The following SFMBT1 variants were observed in gnomAD, a reference collection of about 807,000 sequenced individuals.
SFMBT1 encodes the protein scm-like with four MBT domains protein 1.
SFMBT1 carries 32 observed loss-of-function variants against 108.7 expected under a neutral mutation model. The observed-to-expected ratio is 0.29, with a 90% CI of 0.22 to 0.40. The LOEUF is 0.40. Among genes scored for constraint, SFMBT1 ranks in the 10% least tolerant of loss-of-function variants. The probability of loss-of-function intolerance (pLI) is 1.00; values close to 1 mark genes in which losing one functional copy is unlikely to be tolerated. For missense variants in SFMBT1, 816 were observed against 1,059.6 expected (o/e 0.77, Z 3.19); for synonymous variants, 348 against 369.5 (o/e 0.94, Z 0.67).
At chr3:52,915,229 C>CT (rs1379635139) in intron 14 of SFMBT1, among the ~76,000 whole-genome samples, 3 of 152,220 alleles carry the variant, frequency 2.0e-5, no homozygotes, top group Non-Finnish European at 2.9e-5. Context: ...GTCTCAGACT[C>CT]TGTTTCCCAG....
At chr3:52,989,985 T>C (rs1705065038) in intron 1 of SFMBT1, among the ~76,000 whole-genome samples, 1 of 152,172 alleles carries the variant, frequency 6.6e-6, no homozygotes, top group Non-Finnish European at 1.5e-5. Flanking sequence ...AATGTCTCCT[T>C]CAAAGGGAAA....
At chr3:53,029,395 A>G (rs1310301324) in intron 1 of SFMBT1, among the ~76,000 whole-genome samples, 1 of 152,202 alleles carries the variant, frequency 6.6e-6, no homozygotes, top group Non-Finnish European at 1.5e-5. Context: ...AAAGGCATAT[A>G]CAACACTGTA....
intron 1 of SFMBT1, among the ~76,000 whole-genome samples, chr3:53,021,086 C>A (rs1699290402): frequency 6.6e-6 from 1 of 152,072 alleles, no homozygotes; most frequent in Admixed American, 6.5e-5. Flanking sequence ...AGTAGAGGTC[C>A]CCTATTGGCT....
intron 3 of SFMBT1, among the ~76,000 whole-genome samples, chr3:52,951,191 A>C (rs868808547): frequency 8.4e-4 from 114 of 136,034 alleles, no homozygotes; most frequent in Middle Eastern, 3.7e-3. Context: ...AAAAAAAAAA[A>C]ACACACATTC....
chr3:52,948,704 T>A (rs1265749025), intron 3 of SFMBT1, among the ~76,000 whole-genome samples: 1 of 151,152 alleles, frequency 6.6e-6, no homozygotes, highest in Non-Finnish European at 1.5e-5. Flanking sequence ...CAGGCTGATG[T>A]ACAGCGGCAC....
intron 1 of SFMBT1, chr3:53,043,362 C>T (rs1238897769): frequency 1.3e-5 from 2 of 152,042 alleles, no homozygotes; most frequent in African/African-American, 2.4e-5. Context: ...TTCATTGTTG[C>T]ACTTTAAATG....
intron 2 of SFMBT1, among the ~76,000 whole-genome samples, chr3:52,955,731 A>G (rs1575400281): frequency 6.6e-6 from 1 of 152,152 alleles, no homozygotes; most frequent in African/African-American, 2.4e-5. Flanking sequence ...CAACCAAAAA[A>G]AGCTCAGGAC....
chr3:52,966,699 G>C (rs536793551), intron 2 of SFMBT1, among the ~76,000 whole-genome samples: 12 of 150,588 alleles, frequency 8.0e-5, no homozygotes, highest in African/African-American at 2.9e-4. Context: ...AGAGAATCTT[G>C]GAAAATCAGG....
chr3:52,997,981 A>C (rs1698399272), intron 1 of SFMBT1, among the ~76,000 whole-genome samples: 1 of 150,622 alleles, frequency 6.6e-6, no homozygotes, highest in East Asian at 1.9e-4. Context: ...ATACACATAA[A>C]ATTTACCATT....
chr3:52,982,331 C>T (rs538815648), intron 1 of SFMBT1, among the ~76,000 whole-genome samples: 19 of 152,242 alleles, frequency 1.2e-4, no homozygotes, highest in Non-Finnish European at 1.6e-4. Flanking sequence ...AGAAAATTGT[C>T]CAGATGTCCT....
At position 52,904,457 on chromosome 3, in the gene SFMBT1, T is replaced by C. The variant is rs1402569884; in HGVS notation, c.*679A>G. On this transcript the variant is annotated 3_prime_UTR_variant, in exon 21 of 21. Coordinates refer to ENST00000394752, the MANE Select transcript of SFMBT1 (RefSeq NM_016329.4). ...CCTCCAAATTCTGTCATAATTTTAG[T>C]GTTTATGTAGCTTAAAAATGGCATC... 1 of 152,418 alleles carries C rather than the reference T, an allele frequency of 6.6e-6. No homozygotes were observed. The highest frequency in any genetic ancestry group is 1.5e-5 in the Non-Finnish European group (1 of 68,062). The allele number at this position is 152,418 out of a possible 1,614,324, so 9.4% of individuals were successfully genotyped here. A position where few individuals can be genotyped will look rare whatever the true frequency, so the allele number is the denominator to read the frequency against.
rs115192746 is a variant in SFMBT1 at position 53,002,761 on chromosome 3, C to T, written c.-130-33503G>A. Among the ~76,000 whole-genome samples, 1,277 of 150,350 alleles carry T rather than the reference C, an allele frequency of 8.5e-3. 32 individuals carry two copies. The highest frequency in any genetic ancestry group is 0.029 in the African/African-American group (1,213 of 41,382). ...GAAGCAGGAATTTTCAAAACAGCCT[C>T]CTCTTTCTTTCAGCAAGTCATATGA... On this transcript the variant is annotated intron_variant, in intron 1 of 20. Transcript: ENST00000394752.
At chr3:52,951,129 A>AAAAG (rs1421929437) in intron 3 of SFMBT1, among the ~76,000 whole-genome samples, 17 of 148,926 alleles carry the variant, frequency 1.1e-4, no homozygotes, top group East Asian at 5.9e-4. Context: ...AAAAAAAAAA[A>AAAAG]AAAGAAAAAT....
chr3:53,014,464 C>G (rs912675194), intron 1 of SFMBT1, among the ~76,000 whole-genome samples: 2 of 146,332 alleles, frequency 1.4e-5, no homozygotes, highest in Non-Finnish European at 3.0e-5. Context: ...AGTGAGAGAC[C>G]CTGTATTTAA....
At chr3:53,030,573 G>A (rs573410773) in intron 1 of SFMBT1, among the ~76,000 whole-genome samples, 15 of 150,724 alleles carry the variant, frequency 1.0e-4, no homozygotes, top group African/African-American at 2.2e-4. Context: ...AGTCTTTGTG[G>A]CACAATTTGA....
At position 52,904,869 on chromosome 3, in the gene SFMBT1, T is replaced by C. The variant is rs912594953; in HGVS notation, c.*267A>G. ...ACCACTGGAAATGCTTTTCTTCTTATATAAGTCTTTTCCTCACAACCTTTA... is the reference window on the plus strand; with the variant it reads ...ACCACTGGAAATGCTTTTCTTCTTACATAAGTCTTTTCCTCACAACCTTTA... On this transcript the variant is annotated 3_prime_UTR_variant, in exon 21 of 21. Coordinates refer to ENST00000394752, the MANE Select transcript of SFMBT1 (RefSeq NM_016329.4). The C allele has an allele frequency of 8.7e-6, 3 of 342,962 alleles. No individual in the cohort carries two copies. Among genetic ancestry groups the C allele is most frequent in the South Asian group, 7.3e-5 (1 of 13,642 alleles). 21.2% of individuals were successfully genotyped at this position (342,962 alleles called of 1,614,324 possible).
chr3:52,991,989 G>C (rs1036726787), intron 1 of SFMBT1, among the ~76,000 whole-genome samples: 1 of 152,206 alleles, frequency 6.6e-6, no homozygotes, highest in Non-Finnish European at 1.5e-5. Flanking sequence ...CCATTTCTGT[G>C]TTCCAACACC....
At chr3:52,954,711 C>T (rs1293954100) in intron 2 of SFMBT1, among the ~76,000 whole-genome samples, 1 of 152,094 alleles carries the variant, frequency 6.6e-6, no homozygotes, top group Non-Finnish European at 1.5e-5. Flanking sequence ...GGAGTATAAA[C>T]CATTACTATC....
intron 1 of SFMBT1, among the ~76,000 whole-genome samples, chr3:52,984,650 T>G (rs1400633811): frequency 1.3e-5 from 2 of 151,282 alleles, no homozygotes; most frequent in African/African-American, 4.9e-5. Flanking sequence ...CTTTAAAAAT[T>G]CATACTATAA....
Sources: gnomAD v4.1 joint callset for allele counts (sites outside exome capture counted in the v4.1 genomes callset) on GRCh38, gnomAD v4.1.1 for gene constraint, MANE v1.5 for transcripts, NCBI Gene and HGNC (gene_info 2026-07-23, HGNC 2026-07-21) for gene names.